CRTC3: variants seen among roughly 807,000 people sequenced by gnomAD.
CRTC3 encodes the protein CREB regulated transcription coactivator 3.
Under a neutral mutation model 74.5 loss-of-function variants are expected in CRTC3, and 26 were observed. That is an observed-to-expected ratio of 0.35 (90% CI 0.26 to 0.48). The LOEUF is 0.48. Ranked by LOEUF, CRTC3 falls within the 20% of genes least tolerant of loss-of-function variation. The pLI is 0.99. For synonymous variants in CRTC3, 377 were observed against 325.8 expected, an observed-to-expected ratio of 1.16 and a Z score of -1.69; for missense variants, 760 against 787.3, an observed-to-expected ratio of 0.97 and a Z score of 0.41.
At chr15:90,579,055 C>T (rs978445989) in intron 2 of CRTC3, among the ~76,000 whole-genome samples, 2 of 151,922 alleles carry the variant, frequency 1.3e-5, no homozygotes, top group African/African-American at 4.8e-5. Flanking sequence ...AATTACAGAT[C>T]AAAAATATTA....
At chr15:90,596,994 C>T (rs901814228) in intron 3 of CRTC3, among the ~76,000 whole-genome samples, 3 of 152,248 alleles carry the variant, frequency 2.0e-5, no homozygotes, top group African/African-American at 7.2e-5. Flanking sequence ...CTGGCCTCCT[C>T]TCAGAGTGGG....
At chr15:90,568,034 A>G (rs1222485125) in intron 2 of CRTC3, among the ~76,000 whole-genome samples, 2 of 152,230 alleles carry the variant, frequency 1.3e-5, no homozygotes, top group Non-Finnish European at 2.9e-5. Context: ...AACATGAGCA[A>G]GAGTTTAGAT....
At chr15:90,632,243 G>A (rs1969065986) in intron 11 of CRTC3, among the ~76,000 whole-genome samples, 1 of 152,096 alleles carries the variant, frequency 6.6e-6, no homozygotes, top group Non-Finnish European at 1.5e-5. Context: ...TAAGGAGACT[G>A]TATGGCCAGA....
At chr15:90,556,148 T>A (rs1379166031) in intron 2 of CRTC3, among the ~76,000 whole-genome samples, 1 of 152,144 alleles carries the variant, frequency 6.6e-6, no homozygotes. Flanking sequence ...ATAAGTATAA[T>A]TTTAATAGCT....
intron 2 of CRTC3, among the ~76,000 whole-genome samples, chr15:90,561,986 T>C (rs1242991033): frequency 6.6e-6 from 1 of 152,234 alleles, no homozygotes; most frequent in Non-Finnish European, 1.5e-5. Flanking sequence ...TCAAAGGCAA[T>C]AGTCAGTGCC....
chr15:90,549,979 C>G (rs149932163), intron 2 of CRTC3, among the ~76,000 whole-genome samples: 1 of 150,034 alleles, frequency 6.7e-6, no homozygotes, highest in Non-Finnish European at 1.5e-5. Flanking sequence ...GCTGGGATTA[C>G]AGGCGTGAGC....
chr15:90,544,992 T>G (rs777028716), intron 2 of CRTC3, among the ~76,000 whole-genome samples: 3 of 152,206 alleles, frequency 2.0e-5, no homozygotes, highest in Non-Finnish European at 4.4e-5. Context: ...GCCCATTCAA[T>G]AAGAATTCTC....
chr15:90,544,358 T>C (rs1966840678), intron 2 of CRTC3, among the ~76,000 whole-genome samples: 1 of 152,250 alleles, frequency 6.6e-6, no homozygotes. Context: ...CACCTTTGCT[T>C]GATTACATCT....
chr15:90,546,699 T>C (rs904953135), intron 2 of CRTC3, among the ~76,000 whole-genome samples: 11 of 152,194 alleles, frequency 7.2e-5, no homozygotes, highest in Non-Finnish European at 1.0e-4. Flanking sequence ...CTCCACTCAC[T>C]GCAAGCTCTG....
At position 90,533,423 on chromosome 15, in the gene CRTC3, A is replaced by G. The variant is rs141962371; in HGVS notation, c.132+3220A>G. Among the ~76,000 whole-genome samples the G allele has an allele frequency of 7.1e-3, 356 of 50,018 alleles. 1 individual carries two copies. Among genetic ancestry groups the G allele is most frequent in the Middle Eastern group, 0.049 (4 of 82 alleles). The allele number at this position is 50,018 out of a possible 152,430, so 32.8% of individuals were successfully genotyped here. On this transcript the variant is annotated intron_variant, in intron 1 of 14. Transcript: ENST00000268184. ...GCGACAGAGCGAGACTCCGCCTAGG[A>G]AAAAAAAAAAAAAAGGGAAGAAAGT... is the stretch of plus-strand genomic sequence containing the variant.
intron 3 of CRTC3, among the ~76,000 whole-genome samples, chr15:90,596,600 G>C (rs925135339): frequency 1.3e-5 from 2 of 152,170 alleles, no homozygotes; most frequent in Non-Finnish European, 2.9e-5. Flanking sequence ...TGCAAAGAAA[G>C]TTCTTTAGCC....
intron 2 of CRTC3, among the ~76,000 whole-genome samples, chr15:90,570,088 A>G (rs1054912172): frequency 1.3e-5 from 2 of 152,232 alleles, no homozygotes; most frequent in Non-Finnish European, 2.9e-5. Flanking sequence ...AATTATATGG[A>G]CTGATGGTTA....
intron 11 of CRTC3, chr15:90,638,126 T>A (rs1369556577): frequency 2.0e-5 from 6 of 302,066 alleles, no homozygotes; most frequent in Middle Eastern, 1.0e-3. Context: ...TTTCCACTTT[T>A]AACCAGAAGA....
chr15:90,638,287 T>C (rs1969311532), intron 11 of CRTC3, 159 bp from the exon 12 acceptor site: 1 of 596,790 alleles, frequency 1.7e-6, no homozygotes, highest in African/African-American at 1.9e-5. Flanking sequence ...ATTTGAGATA[T>C]ACTTTGAAGG....
Position 90,625,758 on chromosome 15 carries a change from T to G in CRTC3, c.750-18T>G. Reference sequence around the variant, plus strand: ...CAAATACATTGTAGAAAGTCATTCTTAATCTTTCTTTTTTCAGTGCTTTTC... The same window carrying G: ...CAAATACATTGTAGAAAGTCATTCTGAATCTTTCTTTTTTCAGTGCTTTTC... On this transcript the variant is annotated intron_variant, in intron 9 of 14. Coordinates refer to ENST00000268184, the MANE Select transcript of CRTC3 (RefSeq NM_022769.5). 6.3e-7 allele frequency: 1 copy of G among 1,599,778 alleles called. No homozygotes were observed. Among genetic ancestry groups the G allele is most frequent in the Non-Finnish European group, 8.6e-7 (1 of 1,166,980 alleles).
intron 2 of CRTC3, among the ~76,000 whole-genome samples, chr15:90,547,092 A>G (rs541141603): frequency 2.0e-5 from 3 of 152,248 alleles, no homozygotes; most frequent in African/African-American, 7.2e-5. Flanking sequence ...TTCTCCTTTT[A>G]TTTTTATTAT....
chr15:90,568,133 G>T (rs766281302), intron 2 of CRTC3, among the ~76,000 whole-genome samples: 1 of 152,188 alleles, frequency 6.6e-6, no homozygotes, highest in African/African-American at 2.4e-5. Flanking sequence ...AATAGCCAGA[G>T]ATCTAGAATT....
chr15:90,553,697 T>A (rs983503924), intron 2 of CRTC3, among the ~76,000 whole-genome samples: 1 of 152,212 alleles, frequency 6.6e-6, no homozygotes, highest in African/African-American at 2.4e-5. Flanking sequence ...TGCTCTCAAT[T>A]GTTCATGCAG....
chr15:90,533,391 A>G (rs1313422815), intron 1 of CRTC3, among the ~76,000 whole-genome samples: 2 of 147,978 alleles, frequency 1.4e-5, no homozygotes, highest in African/African-American at 5.0e-5. Context: ...ATTGCACTCC[A>G]GCCTGGGCGA....
Sources: allele counts gnomAD v4.1 joint callset (sites outside exome capture counted in the v4.1 genomes callset), GRCh38; gene constraint gnomAD v4.1.1; transcripts MANE v1.5; gene names NCBI Gene and HGNC (gene_info 2026-07-23, HGNC 2026-07-21).